The following ZSWIM9 variants were observed in gnomAD, a reference collection of about 807,000 sequenced individuals.
ZSWIM9 encodes zinc finger SWIM-type containing 9.
ZSWIM9 carries 11 observed loss-of-function variants against 25.0 expected under a neutral mutation model. That is an observed-to-expected ratio of 0.44 (90% CI 0.28 to 0.73). ZSWIM9 has a LOEUF of 0.73. Among genes scored for constraint, ZSWIM9 ranks in the 30% least tolerant of loss-of-function variants. ZSWIM9 has a pLI of 0.16. For synonymous variants in ZSWIM9, 562 were observed against 582.1 expected (o/e 0.97, Z 0.50); for missense variants, 1,070 against 1,296.5 (o/e 0.83, Z 2.68).
chr19:48,183,645 C>CT (rs763723066), intron 3 of ZSWIM9, among the ~76,000 whole-genome samples: 155 of 140,554 alleles, frequency 1.1e-3, no homozygotes, highest in African/African-American at 2.4e-3. Context: ...TTTTTTTAAT[C>CT]TTTTTTTTTT....
intron 3 of ZSWIM9, chr19:48,190,511 T>G (rs1263993230): frequency 6.5e-6 from 1 of 154,874 alleles, no homozygotes. Flanking sequence ...CTGGCAGCGG[T>G]GGCTGCGAAG....
chr19:48,185,526 G>A (rs2037001389), intron 3 of ZSWIM9, among the ~76,000 whole-genome samples: 1 of 152,186 alleles, frequency 6.6e-6, no homozygotes, highest in South Asian at 2.1e-4. Context: ...TTTTGAATAT[G>A]TCATACATTC....
chr19:48,187,985 T>TAGACAGACAGACAGAC (rs529493905), intron 3 of ZSWIM9, among the ~76,000 whole-genome samples: 5 of 146,274 alleles, frequency 3.4e-5, no homozygotes, highest in African/African-American at 1.3e-4. Context: ...GATAGATAGA[T>TAGACAGACAGACAGAC]AGACAGACAG....
At position 48,197,137 on chromosome 19, in the gene ZSWIM9, G is replaced by A. The variant is rs966098459; in HGVS notation, c.*310G>A. 1.5e-6 allele frequency: 1 copy of A among 682,462 alleles called. No individual in the cohort carries two copies. The highest frequency in any genetic ancestry group is 1.8e-5 in the African/African-American group (1 of 56,294). The allele number at this position is 682,462 out of a possible 1,614,324, so 42.3% of individuals were successfully genotyped here. A position where few individuals can be genotyped will look rare whatever the true frequency, so the allele number is the denominator to read the frequency against. ...TCAGGCTGGGACAGAAGGAAGGAAA[G>A]GGGCAGAGCTGGGGGGAGGGGGAGG... is the stretch of plus-strand genomic sequence containing the variant. On this transcript the variant is annotated 3_prime_UTR_variant, in exon 4 of 4. Coordinates refer to ENST00000614654, the MANE Select transcript of ZSWIM9 (RefSeq NM_199341.4).
Position 48,182,793 on chromosome 19 carries a change from G to A in ZSWIM9, c.588+26G>A. On this transcript the variant is annotated intron_variant, in intron 3 of 3. Transcript: ENST00000614654. The surrounding 1 kb of genome is among the most constrained non-coding windows in gnomAD (Gnocchi z 4.6). ...GTGGGGTCTCGAGAGAGGCAGGCCG[G>A]GGGAGGGGGCGGGGGAAAGCCGCGC... 2 of 1,501,298 alleles carry A rather than the reference G, an allele frequency of 1.3e-6. No homozygotes were observed. The highest frequency in any genetic ancestry group is 2.5e-5 in the South Asian group (2 of 80,564). The allele number at this position is 1,501,298 out of a possible 1,614,324, so 93.0% of individuals were successfully genotyped here.
chr19:48,177,805 G>A (rs768611553), intron 2 of ZSWIM9, among the ~76,000 whole-genome samples: 1 of 152,188 alleles, frequency 6.6e-6, no homozygotes, highest in Non-Finnish European at 1.5e-5. Context: ...CTGCACGCGG[G>A]GATTTCCTTT....
At chr19:48,176,050 A>G (rs549813690) in intron 2 of ZSWIM9, among the ~76,000 whole-genome samples, 10 of 152,314 alleles carry the variant, frequency 6.6e-5, no homozygotes, top group African/African-American at 2.4e-4. Flanking sequence ...TACTAAAAAT[A>G]CAAAAATTAG....
rs374614563 is a variant in ZSWIM9 at position 48,177,801 on chromosome 19, G to A, written c.276-4654G>A. Among the ~76,000 whole-genome samples, 10 of 152,336 alleles carry A rather than the reference G, an allele frequency of 6.6e-5. No homozygotes were observed. In the East Asian group the frequency reaches 1.2e-3, roughly 18 times the overall value. ...CTTGATAAATCAAACATGGCTGCACGCGGGGATTTCCTTTGCTTCCACCTG... is the reference window on the plus strand; with the variant it reads ...CTTGATAAATCAAACATGGCTGCACACGGGGATTTCCTTTGCTTCCACCTG... On this transcript the variant is annotated intron_variant, in intron 2 of 3. Transcript: ENST00000614654.
At chr19:48,188,962 C>T (rs528121462) in intron 3 of ZSWIM9, among the ~76,000 whole-genome samples, 66 of 152,006 alleles carry the variant, frequency 4.3e-4, no homozygotes, top group African/African-American at 1.5e-3. Flanking sequence ...ACCCGGAAGG[C>T]GGAGCTTGCA....
chr19:48,196,533 G>C lies in ZSWIM9; in HGVS notation c.2469G>C (p.Leu823=), dbSNP rs2037168482. 2.4e-6 allele frequency: 3 copies of C among 1,232,530 alleles called. No individual in the cohort carries two copies. Among genetic ancestry groups the C allele is most frequent in the Middle Eastern group, 3.1e-4 (1 of 3,212 alleles). The allele number at this position is 1,232,530 out of a possible 1,614,324, so 76.3% of individuals were successfully genotyped here. ...PGEEEVDWEP[L]AKFRAACGPE... Reference sequence around the variant, plus strand: ...AGGAGGAGGTGGACTGGGAACCCCTGGCCAAATTCCGAGCAGCCTGCGGGC... The same window carrying C: ...AGGAGGAGGTGGACTGGGAACCCCTCGCCAAATTCCGAGCAGCCTGCGGGC... The change falls in exon 4 of 4, where the codon CTG becomes CTC. Residue 823 remains leucine (L), a synonymous_variant. Coordinates refer to ENST00000614654, the MANE Select transcript of ZSWIM9 (RefSeq NM_199341.4).
At position 48,194,901 on chromosome 19, in the gene ZSWIM9, G is replaced by A. The variant is rs912455349; in HGVS notation, c.837G>A (p.Leu279=). 56 of 1,311,168 alleles carry A rather than the reference G, an allele frequency of 4.3e-5. No individual in the cohort carries two copies. The highest frequency in any genetic ancestry group is 5.1e-5 in the Non-Finnish European group (53 of 1,033,502). 81.2% of individuals were successfully genotyped at this position (1,311,168 alleles called of 1,614,324 possible). ...TGCGCTTCGCGCTCGCGTCGCTGCT[G>A]CAGAGCGCGCCAGACGTCAAGGGCC... ...SLLRFALASL[L]QSAPDVKGRV... is the part of the protein sequence containing the mutation. The change falls in exon 4 of 4, where the codon CTG becomes CTA. Residue 279 remains leucine, a synonymous_variant. Transcript: ENST00000614654. This position sits in a 1 kb window ranked among gnomAD's most constrained non-coding sequence, Gnocchi z 6.0.
At chr19:48,191,092 A>ATGTGTGTATG (rs2037088877) in intron 3 of ZSWIM9, among the ~76,000 whole-genome samples, 1 of 96,420 alleles carries the variant, frequency 1.0e-5, no homozygotes, top group African/African-American at 2.9e-5. Context: ...GTGTATGTGT[A>ATGTGTGTATG]TGTGTGTGTG....
chr19:48,193,776 G>A (rs1047132500), intron 3 of ZSWIM9, among the ~76,000 whole-genome samples: 1 of 152,198 alleles, frequency 6.6e-6, no homozygotes, highest in African/African-American at 2.4e-5. Context: ...TATGTACCAG[G>A]CAATGTTCTA....
chr19:48,191,029 G>C (rs2037086811), intron 3 of ZSWIM9, among the ~76,000 whole-genome samples: 1 of 151,922 alleles, frequency 6.6e-6, no homozygotes, highest in African/African-American at 2.4e-5. Flanking sequence ...CTGTAAAATG[G>C]GGATAATACT....
intron 3 of ZSWIM9, chr19:48,186,727 A>AGGCCAGGCTGCCAG (rs948956532): frequency 1.9e-5 from 3 of 154,832 alleles, no homozygotes; most frequent in African/African-American, 7.2e-5. Context: ...CGGGGGGTGA[A>AGGCCAGGCTGCCAG]GGCCAGGCTG....
In ZSWIM9 at chr19:48,195,901, C is replaced by A; in HGVS notation, c.1837C>A (p.Gln613Lys). The change falls in exon 4 of 4, where the codon CAG becomes AAG. Residue 613 changes from glutamine to lysine, a missense_variant. Transcript: ENST00000614654. The surrounding 1 kb of genome is among the most constrained non-coding windows in gnomAD (Gnocchi z 5.8). ...RRSTTDLRGT[Q>K]FDYERVRSLE... The stretch of plus-strand genomic sequence containing the variant: ...GAGTACCACCGACCTGAGGGGGACC[C>A]AGTTTGACTATGAGAGGGTCAGGAG... 4.3e-6 allele frequency: 6 copies of A among 1,387,156 alleles called. No individual in the cohort carries two copies. Among genetic ancestry groups the A allele is most frequent in the Non-Finnish European group, 5.6e-6 (6 of 1,075,390 alleles). The allele number at this position is 1,387,156 out of a possible 1,614,324, so 85.9% of individuals were successfully genotyped here. A position where few individuals can be genotyped will look rare whatever the true frequency, so the allele number is the denominator to read the frequency against.
At chr19:48,185,335 A>G (rs1286328977) in intron 3 of ZSWIM9, among the ~76,000 whole-genome samples, 2 of 152,010 alleles carry the variant, frequency 1.3e-5, no homozygotes, top group Admixed American at 1.3e-4. Context: ...GGGTTTCTCC[A>G]TGTTGGTCAG....
rs1162739578 is a variant in ZSWIM9, at chr19:48,187,390, ATATAT to A, written c.588+4631_588+4635del. On this transcript the variant is annotated intron_variant, in intron 3 of 3. Transcript: ENST00000614654. The stretch of plus-strand genomic sequence containing the variant: ...ATATAACAGTATAATGTAATAATTA[ATATAT>A]TATATTAATTATATATTATAATTAT... 5.5e-5 allele frequency among the ~76,000 whole-genome samples: 6 copies of A among 109,470 alleles called. 1 individual carries two copies. Among genetic ancestry groups the A allele is most frequent in the Admixed American group, 1.5e-4 (1 of 6,788 alleles). The allele number at this position is 109,470 out of a possible 152,430, so 71.8% of individuals were successfully genotyped here.
At chr19:48,185,857 G>C (rs969155669) in intron 3 of ZSWIM9, among the ~76,000 whole-genome samples, 8 of 152,186 alleles carry the variant, frequency 5.3e-5, no homozygotes, top group Non-Finnish European at 8.8e-5. Flanking sequence ...ATGGTGGCAG[G>C]TGCCTGTAAT....
Sources: gnomAD v4.1 joint callset for allele counts (sites outside exome capture counted in the v4.1 genomes callset) on GRCh38, gnomAD v4.1.1 for gene constraint, Gnocchi (gnomAD v3.1) non-coding constraint, MANE v1.5 for transcripts, NCBI Gene and HGNC (gene_info 2026-07-23, HGNC 2026-07-21) for gene names.